MID1: variants seen among roughly 807,000 people sequenced by gnomAD.
MID1 encodes the protein E3 ubiquitin-protein ligase Midline-1.
Under a neutral mutation model 40.4 loss-of-function variants are expected in MID1, and 7 were observed. The observed-to-expected ratio is 0.17, with a 90% CI of 0.10 to 0.33. The LOEUF (loss-of-function observed/expected upper bound fraction) is 0.33, where lower values mean the gene tolerates loss of function less well. Ranked by LOEUF, MID1 falls within the 10% of genes least tolerant of loss-of-function variation. The pLI is 1.00. For synonymous variants in MID1, 229 were observed against 221.2 expected (o/e 1.04, Z -0.31); for missense variants, 367 against 558.5 (o/e 0.66, Z 3.46).
chrX:10,829,452 T>C (rs2044238381), intron 1 of MID1, among the ~76,000 whole-genome samples: 1 of 112,018 alleles, frequency 8.9e-6, no homozygotes, highest in Non-Finnish European at 1.9e-5. Flanking sequence ...CTTCAGCTAT[T>C]ATGTACCATG....
chrX:10,700,986 T>C (rs2043190359), intron 1 of MID1, among the ~76,000 whole-genome samples: 1 of 112,474 alleles, frequency 8.9e-6, no homozygotes, highest in Admixed American at 9.4e-5. Context: ...ATTGAGAATG[T>C]AGTGATGAAA....
chrX:10,750,847 G>C (rs756417986), intron 1 of MID1, among the ~76,000 whole-genome samples: 15 of 110,467 alleles, frequency 1.4e-4, no homozygotes, highest in Non-Finnish European at 2.3e-4. Context: ...TCTTTATTTA[G>C]AAGCATATTT....
intron 1 of MID1, among the ~76,000 whole-genome samples, chrX:10,718,569 A>G (rs1447858173): frequency 9.0e-6 from 1 of 111,678 alleles, no homozygotes; most frequent in Non-Finnish European, 1.9e-5. Context: ...CTTACCAACC[A>G]AAAAAAGTCC....
intron 1 of MID1, among the ~76,000 whole-genome samples, chrX:10,584,989 AG>A (rs770923359): frequency 9.0e-6 from 1 of 111,118 alleles, no homozygotes; most frequent in African/African-American, 3.3e-5. Context: ...TTGAGCAAGC[AG>A]GGGGTACATG....
At chrX:10,527,117 G>A (rs1932848767) in intron 2 of MID1, among the ~76,000 whole-genome samples, 1 of 112,187 alleles carries the variant, frequency 8.9e-6, no homozygotes, top group African/African-American at 3.2e-5. Flanking sequence ...CCATATAAAA[G>A]TCATGGGATT....
chrX:10,809,491 C>T (rs906361022), intron 1 of MID1, among the ~76,000 whole-genome samples: 2 of 111,268 alleles, frequency 1.8e-5, no homozygotes, highest in East Asian at 2.8e-4. Flanking sequence ...ATGTTTATTG[C>T]GGCACTATTC....
At chrX:10,525,906 T>C (rs1351855414) in intron 2 of MID1, among the ~76,000 whole-genome samples, 1 of 112,618 alleles carries the variant, frequency 8.9e-6, no homozygotes, top group Non-Finnish European at 1.9e-5. Flanking sequence ...TCATCTCCAC[T>C]TCTTGGGAGT....
intron 1 of MID1, among the ~76,000 whole-genome samples, chrX:10,676,932 C>G (rs959997839): frequency 9.0e-6 from 1 of 111,600 alleles, no homozygotes; most frequent in South Asian, 3.8e-4. Context: ...AGAGGGGACA[C>G]CTCAGCTTCA....
chrX:10,774,930 G>C lies in MID1; in HGVS notation c.-187+58624C>G, dbSNP rs955960253. Among the ~76,000 whole-genome samples the C allele has an allele frequency of 3.6e-5, 4 of 111,302 alleles. No homozygotes were observed. The East Asian group carries it at 8.5e-4, about 24-fold the overall frequency. On this transcript the variant is annotated intron_variant, in intron 1 of 10. Transcript: ENST00000380785. ...TAGCATTTATTTTCTTTGATAAAGT[G>C]ATTCTAACTCCTCTTCTGTTTGATG...
chrX:10,540,049 AAGTT>A (rs1933409344), intron 2 of MID1, among the ~76,000 whole-genome samples: 1 of 111,911 alleles, frequency 8.9e-6, no homozygotes, highest in Non-Finnish European at 1.9e-5. Context: ...AAAAATATAA[AAGTT>A]AGCTGGCTGT....
upstream of MID1, among the ~76,000 whole-genome samples, chrX:10,623,118 G>A (rs1935954683): frequency 9.5e-6 from 1 of 105,314 alleles, no homozygotes; most frequent in Non-Finnish European, 1.9e-5. Context: ...GGGCATGGTG[G>A]TGTGTGCCTG....
At chrX:10,466,885 T>C (rs1202000984) in intron 7 of MID1, among the ~76,000 whole-genome samples, 1 of 111,890 alleles carries the variant, frequency 8.9e-6, no homozygotes, top group African/African-American at 3.2e-5. Flanking sequence ...AATCATGTCA[T>C]CTCTCTGAAG....
At chrX:10,582,139 C>T (rs1221253563) in intron 1 of MID1, among the ~76,000 whole-genome samples, 1 of 111,570 alleles carries the variant, frequency 9.0e-6, no homozygotes, top group African/African-American at 3.3e-5. Context: ...TCCATGTTTG[C>T]ACACTCAGGA....
intron 1 of MID1, among the ~76,000 whole-genome samples, chrX:10,761,098 G>T (rs1018516482): frequency 9.0e-6 from 1 of 111,693 alleles, no homozygotes; most frequent in Non-Finnish European, 1.9e-5. Context: ...TTATCACACA[G>T]CTGATATCAA....
At chrX:10,750,973 A>G (rs1387556722) in intron 1 of MID1, among the ~76,000 whole-genome samples, 4 of 111,765 alleles carry the variant, frequency 3.6e-5, no homozygotes, top group Non-Finnish European at 7.5e-5. Context: ...AGAAAATTAT[A>G]AAAATATCTG....
chrX:10,797,474 C>T (rs73491047), intron 1 of MID1, among the ~76,000 whole-genome samples: 7,032 of 111,471 alleles, frequency 0.063, 559 homozygotes, highest in African/African-American at 0.22. Context: ...ACAACAAATG[C>T]CAGTAAGTGA....
chrX:10,543,212 G>A (rs967742819), intron 2 of MID1, among the ~76,000 whole-genome samples: 1 of 112,064 alleles, frequency 8.9e-6, no homozygotes, highest in African/African-American at 3.2e-5. Flanking sequence ...AGTTACTCTT[G>A]GGTTTATCTG....
chrX:10,500,309 C>T (rs1931477024), intron 3 of MID1, among the ~76,000 whole-genome samples: 2 of 112,102 alleles, frequency 1.8e-5, no homozygotes, highest in African/African-American at 6.5e-5. Context: ...GTATCACAAT[C>T]ACCATCACCC....
At chrX:10,543,136 A>C (rs1214471156) in intron 2 of MID1, among the ~76,000 whole-genome samples, 2 of 112,403 alleles carry the variant, frequency 1.8e-5, no homozygotes, top group African/African-American at 6.5e-5. Flanking sequence ...TTTCACAGCC[A>C]CACAAGTACA....
Sources: allele counts gnomAD v4.1 joint callset (sites outside exome capture counted in the v4.1 genomes callset), GRCh38; gene constraint gnomAD v4.1.1; transcripts MANE v1.5; gene names NCBI Gene and HGNC (gene_info 2026-07-23, HGNC 2026-07-21).